SOX6: variants seen among roughly 807,000 people sequenced by gnomAD.
SOX6 encodes transcription factor SOX-6.
Under a neutral mutation model 97.8 loss-of-function variants are expected in SOX6, and 11 were observed. The ratio of observed to expected loss-of-function variants is 0.11; its 90% CI spans 0.07 to 0.19. The LOEUF (loss-of-function observed/expected upper bound fraction) is 0.19. Among genes scored for constraint, SOX6 ranks in the 10% least tolerant of loss-of-function variants. SOX6 has a pLI of 1.00. For missense variants in SOX6, 810 were observed against 1,039.5 expected (o/e 0.78, Z 3.04); for synonymous variants, 360 against 371.4 (o/e 0.97, Z 0.35).
intron 4 of SOX6, among the ~76,000 whole-genome samples, chr11:16,211,112 T>A (rs1852214462): frequency 6.6e-6 from 1 of 151,812 alleles, no homozygotes; most frequent in African/African-American, 2.4e-5. Flanking sequence ...AATAAAAAAA[T>A]TTAAAAAGCA....
In SOX6 at chr11:16,075,576, C is replaced by A. The variant is rs190943671; in HGVS notation, c.1102-19675G>T. Among the ~76,000 whole-genome samples, 138 of 152,156 alleles carry A rather than the reference C, an allele frequency of 9.1e-4. 1 individual carries two copies. The East Asian group carries it at 0.018, about 19-fold the overall frequency. On this transcript the variant is annotated intron_variant, in intron 9 of 15. Transcript: ENST00000683767. ...CAAGGACAGAAAACCAAACACCACA[C>A]GTTCTCACTCATAAGTGGGAGCTGA...
At chr11:16,312,298 T>C (rs149684225) in intron 3 of SOX6, 2 of 152,294 alleles carry the variant, frequency 1.3e-5, no homozygotes, top group East Asian at 3.9e-4. Context: ...AATAAGTTTT[T>C]AAAAAGAGCC....
intron 4 of SOX6, among the ~76,000 whole-genome samples, chr11:16,582,146 C>T (rs572206843): frequency 6.6e-6 from 1 of 151,820 alleles, no homozygotes; most frequent in South Asian, 2.1e-4. Flanking sequence ...ACAATAAATA[C>T]CAGCGACTAC....
intron 6 of SOX6, among the ~76,000 whole-genome samples, chr11:16,149,517 C>T (rs1419991091): frequency 1.3e-5 from 2 of 152,066 alleles, no homozygotes; most frequent in Non-Finnish European, 2.9e-5. Flanking sequence ...CCATAAATTC[C>T]TATTTCATCT....
At chr11:16,714,839 T>C (rs994072136) in exon 3 of SOX6, 1 of 152,144 alleles carries the variant, frequency 6.6e-6, no homozygotes, top group East Asian at 1.9e-4. Flanking sequence ...CCTCAGTATA[T>C]ATTGGACTTC....
chr11:16,599,839 G>A (rs1479938243), intron 4 of SOX6, among the ~76,000 whole-genome samples: 2 of 152,004 alleles, frequency 1.3e-5, no homozygotes, highest in Admixed American at 6.6e-5. Flanking sequence ...TTTTTTGAGT[G>A]AATAATAAAA....
intron 9 of SOX6, among the ~76,000 whole-genome samples, chr11:16,064,476 C>A (rs1220600063): frequency 1.4e-5 from 2 of 146,620 alleles, no homozygotes; most frequent in South Asian, 2.1e-4. Context: ...ACTCATTCTA[C>A]AAGGCCAGTA....
At chr11:16,660,723 G>A (rs1847759665) in intron 3 of SOX6, among the ~76,000 whole-genome samples, 1 of 152,160 alleles carries the variant, frequency 6.6e-6, no homozygotes, top group Non-Finnish European at 1.5e-5. Context: ...GATGGGATTA[G>A]TACCCTTATA....
At chr11:16,327,634 A>G (rs570554579) in intron 2 of SOX6, among the ~76,000 whole-genome samples, 1 of 152,162 alleles carries the variant, frequency 6.6e-6, no homozygotes, top group Non-Finnish European at 1.5e-5. Flanking sequence ...ACAGTACACT[A>G]CCGCTCTTAT....
At chr11:16,599,968 CCAT>C (rs1361730774) in intron 4 of SOX6, among the ~76,000 whole-genome samples, 2 of 152,082 alleles carry the variant, frequency 1.3e-5, no homozygotes. Flanking sequence ...TGCACAAAAG[CCAT>C]AATGAGGGGG....
chr11:16,091,912 G>A (rs907147511), intron 9 of SOX6, among the ~76,000 whole-genome samples: 1 of 152,020 alleles, frequency 6.6e-6, no homozygotes, highest in East Asian at 1.9e-4. Context: ...CTAAAGCTTA[G>A]TGAACTTTAA....
intron 3 of SOX6, among the ~76,000 whole-genome samples, chr11:16,643,755 C>T (rs981691221): frequency 3.9e-5 from 6 of 152,208 alleles, no homozygotes; most frequent in African/African-American, 4.8e-5. Flanking sequence ...TTGCTAAGAC[C>T]GTTGGAAAAG....
chr11:16,366,194 G>A (rs1390696681), intron 1 of SOX6, among the ~76,000 whole-genome samples: 2 of 152,090 alleles, frequency 1.3e-5, no homozygotes, highest in Non-Finnish European at 2.9e-5. Flanking sequence ...AATGTCCTTT[G>A]GGATTAGACT....
intron 4 of SOX6, among the ~76,000 whole-genome samples, chr11:16,206,032 T>A (rs1054458178): frequency 6.6e-6 from 1 of 152,056 alleles, no homozygotes; most frequent in African/African-American, 2.4e-5. Context: ...ATCATTAATA[T>A]TTTGGTAGCA....
chr11:16,306,557 G>C (rs1855437961), intron 3 of SOX6, among the ~76,000 whole-genome samples: 1 of 150,836 alleles, frequency 6.6e-6, no homozygotes, highest in South Asian at 2.1e-4. Context: ...CTTCAGCACT[G>C]TGCTGACTCA....
intron 9 of SOX6, among the ~76,000 whole-genome samples, chr11:16,091,489 A>G (rs2133968136): frequency 6.6e-6 from 1 of 152,196 alleles, no homozygotes; most frequent in East Asian, 1.9e-4. Flanking sequence ...CTCTAAATAC[A>G]ACATCATAAA....
chr11:16,281,062 T>C (rs1854545790), intron 3 of SOX6, among the ~76,000 whole-genome samples: 1 of 152,110 alleles, frequency 6.6e-6, no homozygotes, highest in African/African-American at 2.4e-5. Context: ...AGAAAGAGGA[T>C]AAACTTCCTT....
At chr11:16,575,541 C>T (rs867647048) in intron 4 of SOX6, among the ~76,000 whole-genome samples, 5 of 152,114 alleles carry the variant, frequency 3.3e-5, no homozygotes, top group Non-Finnish European at 7.4e-5. Flanking sequence ...CTGATATTCA[C>T]ACAATAAAAA....
intron 3 of SOX6, among the ~76,000 whole-genome samples, chr11:16,681,580 G>A (rs540543824): frequency 1.3e-5 from 2 of 152,090 alleles, no homozygotes; most frequent in Non-Finnish European, 2.9e-5. Flanking sequence ...AAATTCAAAA[G>A]CTAGCAGAAG....
Sources: gnomAD v4.1 joint callset for allele counts (sites outside exome capture counted in the v4.1 genomes callset) on GRCh38, gnomAD v4.1.1 for gene constraint, MANE v1.5 for transcripts, NCBI Gene and HGNC (gene_info 2026-07-23, HGNC 2026-07-21) for gene names.